Variants in PRKCZ observed in about 807,000 individuals in gnomAD.
PRKCZ encodes protein kinase C zeta type.
PRKCZ carries 33 observed loss-of-function variants against 79.5 expected under a neutral mutation model. The observed-to-expected ratio is 0.41, with a 90% CI of 0.31 to 0.55. The LOEUF (loss-of-function observed/expected upper bound fraction) is 0.55. Among genes scored for constraint, PRKCZ ranks in the 20% least tolerant of loss-of-function variants. The probability of loss-of-function intolerance (pLI) is 0.19; values close to 1 mark genes in which losing one functional copy is unlikely to be tolerated. For missense variants in PRKCZ, 578 were observed against 813.5 expected, an observed-to-expected ratio of 0.71 and a Z score of 3.52; for synonymous variants, 342 against 320.9, an observed-to-expected ratio of 1.07 and a Z score of -0.70.
intron 4 of PRKCZ, among the ~76,000 whole-genome samples, chr1:2,107,775 C>T (rs1219451589): frequency 3.3e-5 from 5 of 151,998 alleles, no homozygotes; most frequent in Admixed American, 3.3e-4. Flanking sequence ...CAACACCCAG[C>T]AGCATCCAGG....
At chr1:2,180,893 C>T (rs1258769233) in intron 16 of PRKCZ, among the ~76,000 whole-genome samples, 2 of 152,170 alleles carry the variant, frequency 1.3e-5, no homozygotes, top group Non-Finnish European at 2.9e-5. Context: ...TCAGGGACCT[C>T]CTCTCATCAT....
At chr1:2,180,222 G>C (rs1463054475) in intron 16 of PRKCZ, among the ~76,000 whole-genome samples, 1 of 152,222 alleles carries the variant, frequency 6.6e-6, no homozygotes, top group African/African-American at 2.4e-5. Context: ...CAGGGCAGGC[G>C]TGGGGCCTCT....
At chr1:2,073,031 C>T (rs1557495337) in intron 4 of PRKCZ, among the ~76,000 whole-genome samples, 1 of 152,084 alleles carries the variant, frequency 6.6e-6, no homozygotes, top group Non-Finnish European at 1.5e-5. Context: ...TGTCAGGGTA[C>T]CAGGGTAGGG....
chr1:2,054,812 G>A (rs1424397600), intron 1 of PRKCZ, among the ~76,000 whole-genome samples: 1 of 152,110 alleles, frequency 6.6e-6, no homozygotes, highest in Non-Finnish European at 1.5e-5. Flanking sequence ...GAACTTGAAC[G>A]AGTGCCCGAC....
rs555654924 is a variant in PRKCZ at position 2,054,981 on chromosome 1, C to T, written c.72-460C>T. On this transcript the variant is annotated intron_variant, in intron 1 of 17. Coordinates refer to ENST00000378567, the MANE Select transcript of PRKCZ (RefSeq NM_002744.6). ...TTTTTAATACGGAGTCTCTCTCTGT[C>T]GCCCAGGCTGGACTGCAGTGGCGCG... Among the ~76,000 whole-genome samples, 4 of 149,354 alleles carry T rather than the reference C, an allele frequency of 2.7e-5. No homozygotes were observed. The South Asian group carries it at 8.5e-4, about 32-fold the overall frequency.
chr1:2,109,765 G>A (rs1669344806), intron 4 of PRKCZ, among the ~76,000 whole-genome samples: 1 of 152,170 alleles, frequency 6.6e-6, no homozygotes, highest in Non-Finnish European at 1.5e-5. Context: ...AGGCAGGTGA[G>A]GTCCAGGCCA....
chr1:2,162,860 C>T (rs1682589783), intron 10 of PRKCZ, among the ~76,000 whole-genome samples: 1 of 152,234 alleles, frequency 6.6e-6, no homozygotes, highest in African/African-American at 2.4e-5. Flanking sequence ...TGCGTGGTAA[C>T]TGTGGGCCCC....
chr1:2,178,348 C>T lies in PRKCZ; in HGVS notation c.1575+3035C>T, dbSNP rs960655102. On this transcript the variant is annotated intron_variant, in intron 16 of 17. Transcript: ENST00000378567. This position sits in a 1 kb window ranked among gnomAD's most constrained non-coding sequence, Gnocchi z 4.3. ...ATTGTCTCCACAAGCTGCACCCACA[C>T]AGTAGCACGTGGCACTGCCTCCTTC... 3.9e-5 allele frequency among the ~76,000 whole-genome samples: 6 copies of T among 152,246 alleles called. No individual in the cohort carries two copies. The highest frequency in any genetic ancestry group is 1.4e-4 in the African/African-American group (6 of 41,458).
chr1:2,055,350 C>T, intron 1 of PRKCZ, 91 bp from the exon 2 acceptor site: 1 of 1,447,340 alleles, frequency 6.9e-7, no homozygotes, highest in Non-Finnish European at 9.3e-7. Context: ...TTTCATTTAT[C>T]TAATCAATGA....
intron 4 of PRKCZ, among the ~76,000 whole-genome samples, chr1:2,134,476 G>A (rs1675747303): frequency 6.6e-6 from 1 of 152,192 alleles, no homozygotes; most frequent in Admixed American, 6.5e-5. Context: ...AAGAGTTTTG[G>A]AGGAGCAAAG....
chr1:2,063,960 C>T (rs1156538605), intron 4 of PRKCZ, among the ~76,000 whole-genome samples: 5 of 150,862 alleles, frequency 3.3e-5, no homozygotes, highest in South Asian at 2.1e-4. Context: ...ATTCTCCTGT[C>T]TCAGCCTCCT....
At position 2,168,176 on chromosome 1, in the gene PRKCZ, G is replaced by T. The variant is rs1683706933; in HGVS notation, c.975-1342G>T. Among the ~76,000 whole-genome samples the T allele has an allele frequency of 6.6e-6, 1 of 152,192 alleles. No individual in the cohort carries two copies. The highest frequency in any genetic ancestry group is 1.5e-5 in the Non-Finnish European group (1 of 68,026). On this transcript the variant is annotated intron_variant, in intron 10 of 17. Coordinates refer to ENST00000378567, the MANE Select transcript of PRKCZ (RefSeq NM_002744.6). This position sits in a 1 kb window ranked among gnomAD's most constrained non-coding sequence, Gnocchi z 4.7. ...AAGAGTAGACATTTTTGGCTTTGCG[G>T]CCACAGGGTCTCTGTTAGCAACTCC... is the stretch of plus-strand genomic sequence containing the variant.
chr1:2,094,294 C>T lies in PRKCZ; in HGVS notation c.334+34703C>T, dbSNP rs1666037961. 6.6e-6 allele frequency among the ~76,000 whole-genome samples: 1 copy of T among 152,198 alleles called. No homozygotes were observed. The highest frequency in any genetic ancestry group is 1.5e-5 in the Non-Finnish European group (1 of 68,046). ...TCGGCCTCCCGGCCTGAACTCTTCT[C>T]CTACCATGATGGTGCCTGGGATGCT... On this transcript the variant is annotated intron_variant, in intron 4 of 17. Transcript: ENST00000378567. The surrounding 1 kb of genome is among the most constrained non-coding windows in gnomAD (Gnocchi z 7.3).
In PRKCZ at chr1:2,173,788, G is replaced by T; in HGVS notation, c.1286-109G>T. 6.9e-7 allele frequency: 1 copy of T among 1,456,202 alleles called. No homozygotes were observed. 90.2% of individuals were successfully genotyped at this position (1,456,202 alleles called of 1,614,324 possible). On this transcript the variant is annotated intron_variant, in intron 13 of 17. Transcript: ENST00000378567. This position sits in a 1 kb window ranked among gnomAD's most constrained non-coding sequence, Gnocchi z 5.7. ...AGAGGCCTGTGTGCCGCCTGCTCAAGCCTGGCTCACACTCGTGTCAACTGG... is the reference window on the plus strand; with the variant it reads ...AGAGGCCTGTGTGCCGCCTGCTCAATCCTGGCTCACACTCGTGTCAACTGG...
chr1:2,141,909 C>T (rs867027034), intron 5 of PRKCZ: 10 of 321,472 alleles, frequency 3.1e-5, no homozygotes, highest in African/African-American at 1.8e-4. Context: ...ATCCAGCAGC[C>T]GAAGCGCCTC....
chr1:2,103,609 C>T (rs1230033393), intron 4 of PRKCZ, among the ~76,000 whole-genome samples: 1 of 152,204 alleles, frequency 6.6e-6, no homozygotes, highest in African/African-American at 2.4e-5. Context: ...AGGCTGGGCA[C>T]GGTGGCGCGT....
chr1:2,169,425 C>G (rs534487598), intron 10 of PRKCZ, 93 bp from the exon 11 acceptor site: 4 of 1,083,474 alleles, frequency 3.7e-6, no homozygotes, highest in Admixed American at 4.0e-5. Context: ...CGGGAGGGTT[C>G]GGGCCCACGA....
At chr1:2,169,253 T>G (rs542313945) in intron 10 of PRKCZ, 19 of 518,692 alleles carry the variant, frequency 3.7e-5, no homozygotes, top group African/African-American at 3.6e-4. Flanking sequence ...CACCCACACT[T>G]CCCAAGTCCA....
In PRKCZ at chr1:2,181,678, G is replaced by A. The variant is rs182369889; in HGVS notation, c.1576-2905G>A. ...ATCTTGAGCCCTCGGAGCAGAGAACGGGCTGGGCCAGGGGCTGGAGGACCC... is the reference window on the plus strand; with the variant it reads ...ATCTTGAGCCCTCGGAGCAGAGAACAGGCTGGGCCAGGGGCTGGAGGACCC... On this transcript the variant is annotated intron_variant, in intron 16 of 17. Coordinates refer to ENST00000378567, the MANE Select transcript of PRKCZ (RefSeq NM_002744.6). 300 of 361,240 alleles carry A rather than the reference G, an allele frequency of 8.3e-4. 1 individual carries two copies. The highest frequency in any genetic ancestry group is 8.1e-4 in the Non-Finnish European group (147 of 182,404). 22.4% of individuals were successfully genotyped at this position (361,240 alleles called of 1,614,324 possible).
Sources: allele counts gnomAD v4.1 joint callset (sites outside exome capture counted in the v4.1 genomes callset), GRCh38; gene constraint gnomAD v4.1.1; non-coding constraint Gnocchi (gnomAD v3.1); transcripts MANE v1.5; gene names NCBI Gene and HGNC (gene_info 2026-07-23, HGNC 2026-07-21).